Variants in MUSK observed in about 807,000 individuals in gnomAD.
MUSK encodes the protein muscle associated receptor tyrosine kinase, also known as muscle, skeletal receptor tyrosine-protein kinase.
In MUSK, 55 loss-of-function variants were observed where a neutral mutation model predicts 88.7. The ratio of observed to expected loss-of-function variants is 0.62; its 90% CI spans 0.50 to 0.78. The LOEUF (loss-of-function observed/expected upper bound fraction) is 0.78. Among genes scored for constraint, MUSK ranks in the 30% least tolerant of loss-of-function variants. MUSK has a pLI of 0.00. For missense variants in MUSK, 1,015 were observed against 1,074.3 expected (o/e 0.94, Z 0.77); for synonymous variants, 387 against 391.9 (o/e 0.99, Z 0.15).
intron 2 of MUSK, 96 bp from the exon 3 acceptor site, chr9:110,687,021 A>T: frequency 1.6e-6 from 2 of 1,227,934 alleles, no homozygotes; most frequent in Non-Finnish European, 2.3e-6. Context: ...CCTTTATTCT[A>T]CTTCCTCATT....
At chr9:110,751,793 C>G (rs935287621) in intron 7 of MUSK, among the ~76,000 whole-genome samples, 3 of 152,040 alleles carry the variant, frequency 2.0e-5, no homozygotes, top group Non-Finnish European at 4.4e-5. Flanking sequence ...TAACTGGGAC[C>G]TGGGACTTTG....
chr9:110,753,400 A>C (rs1014205171), intron 7 of MUSK, among the ~76,000 whole-genome samples: 2 of 151,382 alleles, frequency 1.3e-5, no homozygotes, highest in Non-Finnish European at 2.9e-5. Flanking sequence ...CCACTGCACC[A>C]CGGCACTCCA....
In MUSK at chr9:110,681,020, TATTA is replaced by T. The variant is rs2076105495; in HGVS notation, c.80-1653_80-1650del. Among the ~76,000 whole-genome samples, 4 of 25,366 alleles carry T rather than the reference TATTA, an allele frequency of 1.6e-4. 1 individual carries two copies. The highest frequency in any genetic ancestry group is 1.4e-3 in the African/African-American group (4 of 2,786). The allele number at this position is 25,366 out of a possible 152,430, so 16.6% of individuals were successfully genotyped here. ...AATATATTATATTATATATAATATA[TATTA>T]TATATTATATATTATATAATATATA... On this transcript the variant is annotated intron_variant, in intron 1 of 14. Coordinates refer to ENST00000374448, the MANE Select transcript of MUSK (RefSeq NM_005592.4).
At chr9:110,694,116 T>TA (rs1172291335) in intron 3 of MUSK, among the ~76,000 whole-genome samples, 1 of 148,734 alleles carries the variant, frequency 6.7e-6, no homozygotes, top group Admixed American at 6.9e-5. Context: ...CTCACGCCTG[T>TA]AATCCCGGCA....
At chr9:110,722,240 TG>T (rs1420041513) in intron 5 of MUSK, among the ~76,000 whole-genome samples, 1 of 152,008 alleles carries the variant, frequency 6.6e-6, no homozygotes, top group Non-Finnish European at 1.5e-5. Flanking sequence ...GAAAAATAGA[TG>T]GGACTTGGCC....
chr9:110,674,122 G>A (rs1032127407), intron 1 of MUSK, among the ~76,000 whole-genome samples: 4 of 151,866 alleles, frequency 2.6e-5, no homozygotes, highest in African/African-American at 9.7e-5. Context: ...TATTTCTGCA[G>A]TAAAATACTC....
intron 5 of MUSK, among the ~76,000 whole-genome samples, chr9:110,727,125 T>A (rs2076896061): frequency 6.6e-6 from 1 of 152,090 alleles, no homozygotes; most frequent in Admixed American, 6.6e-5. Context: ...TTTAAATAGT[T>A]TTTGAACTTG....
intron 5 of MUSK, among the ~76,000 whole-genome samples, chr9:110,709,164 T>C (rs1250352327): frequency 6.6e-6 from 1 of 152,234 alleles, no homozygotes; most frequent in Non-Finnish European, 1.5e-5. Flanking sequence ...CATGGAAAGC[T>C]ATTAGAATTC....
At chr9:110,730,262 G>T (rs949705301) in intron 5 of MUSK, among the ~76,000 whole-genome samples, 2 of 151,968 alleles carry the variant, frequency 1.3e-5, no homozygotes, top group Non-Finnish European at 2.9e-5. Flanking sequence ...AAACCAAGTG[G>T]TTTAGGGCTC....
At chr9:110,689,999 TATATATTATAA>T (rs2076298419) in intron 3 of MUSK, among the ~76,000 whole-genome samples, 1 of 89,302 alleles carries the variant, frequency 1.1e-5, no homozygotes, top group Non-Finnish European at 1.9e-5. Context: ...AATTATATAT[TATATATTATAA>T]ATATATAATA....
rs1182036448 is a variant in MUSK at position 110,755,975 on chromosome 9, T to C, written c.914-6227T>C. Among the ~76,000 whole-genome samples the C allele has an allele frequency of 2.1e-3, 172 of 81,792 alleles. 1 individual carries two copies. Among genetic ancestry groups the C allele is most frequent in the Middle Eastern group, 8.1e-3 (1 of 124 alleles). 53.7% of individuals were successfully genotyped at this position (81,792 alleles called of 152,430 possible). The stretch of plus-strand genomic sequence containing the variant: ...ACACATATATATATACATATATATA[T>C]ATACATATATATATATATATATGAA... On this transcript the variant is annotated intron_variant, in intron 7 of 14. Transcript: ENST00000374448.
intron 5 of MUSK, among the ~76,000 whole-genome samples, chr9:110,703,663 G>A (rs2076559801): frequency 6.6e-6 from 1 of 152,006 alleles, no homozygotes; most frequent in Non-Finnish European, 1.5e-5. Context: ...TAGAGATAAA[G>A]AGATAATTCA....
intron 5 of MUSK, among the ~76,000 whole-genome samples, chr9:110,729,541 T>TA (rs1417829965): frequency 6.6e-6 from 1 of 151,842 alleles, no homozygotes; most frequent in African/African-American, 2.4e-5. Context: ...AAAGTACAGA[T>TA]AATGTTTTCT....
At chr9:110,722,946 T>C (rs2076833660) in intron 5 of MUSK, among the ~76,000 whole-genome samples, 1 of 152,108 alleles carries the variant, frequency 6.6e-6, no homozygotes, top group African/African-American at 2.4e-5. Flanking sequence ...CGTAAACTAG[T>C]ACAACCACTA....
At chr9:110,751,926 C>A (rs2077253366) in intron 7 of MUSK, among the ~76,000 whole-genome samples, 1 of 152,122 alleles carries the variant, frequency 6.6e-6, no homozygotes, top group Non-Finnish European at 1.5e-5. Context: ...ATGGAAAAGA[C>A]TAAAAAGGTC....
intron 1 of MUSK, among the ~76,000 whole-genome samples, chr9:110,679,271 T>G (rs2076075156): frequency 6.6e-6 from 1 of 152,090 alleles, no homozygotes. Flanking sequence ...TTTAAATAAT[T>G]AAGTTTCATG....
chr9:110,765,060 AC>A (rs1172749086), intron 8 of MUSK, among the ~76,000 whole-genome samples: 26 of 152,088 alleles, frequency 1.7e-4, no homozygotes, highest in African/African-American at 6.3e-4. Context: ...TCTTTTGTGT[AC>A]TTTTTCTTAG....
intron 11 of MUSK, among the ~76,000 whole-genome samples, chr9:110,779,095 T>A (rs939093210): frequency 6.6e-6 from 1 of 151,792 alleles, no homozygotes; most frequent in Admixed American, 6.6e-5. Flanking sequence ...TGTGTAAAAC[T>A]CATGAATTAT....
chr9:110,708,299 G>T (rs752100774), intron 5 of MUSK, among the ~76,000 whole-genome samples: 1 of 152,048 alleles, frequency 6.6e-6, no homozygotes, highest in Non-Finnish European at 1.5e-5. Flanking sequence ...CATTTGATTT[G>T]CTTTTTCCTT....
Sources: allele counts gnomAD v4.1 joint callset (sites outside exome capture counted in the v4.1 genomes callset), GRCh38; gene constraint gnomAD v4.1.1; transcripts MANE v1.5; gene names NCBI Gene and HGNC (gene_info 2026-07-23, HGNC 2026-07-21).